The following SLC22A4 variants were observed in gnomAD, a reference collection of about 807,000 sequenced individuals.
The protein encoded by SLC22A4 is solute carrier family 22 member 4.
Under a neutral mutation model 56.6 loss-of-function variants are expected in SLC22A4, and 39 were observed. The observed-to-expected ratio is 0.69, with a 90% CI of 0.53 to 0.90. SLC22A4 has a LOEUF of 0.90. SLC22A4 is among the 40% of genes least tolerant of loss of function. The probability of loss-of-function intolerance (pLI) is 0.00; values close to 1 mark genes in which losing one functional copy is unlikely to be tolerated. For missense variants in SLC22A4, 594 were observed against 696.5 expected, an observed-to-expected ratio of 0.85 and a Z score of 1.66; for synonymous variants, 241 against 281.4, an observed-to-expected ratio of 0.86 and a Z score of 1.44.
rs754945336 is a variant in SLC22A4, at chr5:132,343,802, A to G, written c.1623A>G (p.Glu541=). 1 of 1,609,512 alleles carries G rather than the reference A, an allele frequency of 6.2e-7. No homozygotes were observed. Among genetic ancestry groups the G allele is most frequent in the Admixed American group, 1.7e-5 (1 of 59,968 alleles). ...GKKTRDSMET[E]ENPKVLITAF ...AAACAAGAGACTCAATGGAGACAGA[A>G]GAAAATCCCAAGGTTCTAATAACTG... is the stretch of plus-strand genomic sequence containing the variant. The change falls in exon 10 of 10, where the codon GAA becomes GAG. Residue 541 remains glutamate, a synonymous_variant. Coordinates refer to ENST00000200652, the MANE Select transcript of SLC22A4 (RefSeq NM_003059.3).
At chr5:132,311,790 C>G (rs1424480891) in intron 1 of SLC22A4, 4 of 345,512 alleles carry the variant, frequency 1.2e-5, no homozygotes, top group African/African-American at 6.3e-5. Context: ...CCGCACTAGG[C>G]TGGCTTCTGA....
intron 2 of SLC22A4, among the ~76,000 whole-genome samples, chr5:132,313,024 A>G (rs1372620826): frequency 6.6e-6 from 1 of 152,256 alleles, no homozygotes; most frequent in African/African-American, 2.4e-5. Context: ...TGTCACCAAC[A>G]GACATTGCTG....
At chr5:132,338,752 T>C (rs894764728) in intron 8 of SLC22A4, among the ~76,000 whole-genome samples, 2 of 152,244 alleles carry the variant, frequency 1.3e-5, no homozygotes, top group East Asian at 3.8e-4. Flanking sequence ...GAGTTTAAGG[T>C]TATCTCTCTT....
chr5:132,319,663 G>T (rs773596687), intron 3 of SLC22A4, among the ~76,000 whole-genome samples: 11 of 152,174 alleles, frequency 7.2e-5, no homozygotes, highest in Non-Finnish European at 1.6e-4. Flanking sequence ...CATGATCTCG[G>T]CTCACTGCAA....
At chr5:132,302,028 T>C (rs997324800) in intron 1 of SLC22A4, among the ~76,000 whole-genome samples, 3 of 152,188 alleles carry the variant, frequency 2.0e-5, no homozygotes, top group African/African-American at 4.8e-5. Flanking sequence ...CTTCAGAAAG[T>C]AGATCTTGCC....
At chr5:132,299,932 C>G (rs977005163) in intron 1 of SLC22A4, among the ~76,000 whole-genome samples, 1 of 152,168 alleles carries the variant, frequency 6.6e-6, no homozygotes, top group African/African-American at 2.4e-5. Flanking sequence ...AACTGAACTA[C>G]AGACTTTGTT....
chr5:132,336,093 T>C (rs1006049281), intron 8 of SLC22A4, 93 bp downstream of exon 8: 2 of 1,329,778 alleles, frequency 1.5e-6, no homozygotes, highest in African/African-American at 2.9e-5. Context: ...TAGCATAGAA[T>C]GTACTGGAAA....
At chr5:132,341,200 A>G (rs888151334) in intron 9 of SLC22A4, among the ~76,000 whole-genome samples, 5 of 151,986 alleles carry the variant, frequency 3.3e-5, no homozygotes, top group African/African-American at 7.3e-5. Flanking sequence ...CAGGCGGATC[A>G]TGAGGTCAAG....
chr5:132,306,386 TATATATA>T (rs1255260509), intron 1 of SLC22A4, among the ~76,000 whole-genome samples: 22 of 1,830 alleles, frequency 0.012, no homozygotes, highest in African/African-American at 0.023. Flanking sequence ...AACCGTGAAA[TATATATA>T]TATATATATA....
At position 132,294,976 on chromosome 5, in the gene SLC22A4, C is replaced by T. The variant is rs1034102647; in HGVS notation, c.360C>T (p.Ser120=). 1.2e-5 allele frequency: 19 copies of T among 1,607,196 alleles called. No individual in the cohort carries two copies. The highest frequency in any genetic ancestry group is 1.2e-4 in the Admixed American group (7 of 59,292). Residue 120 remains serine, a synonymous_variant, in exon 1 of 10, where the codon AGC becomes AGT. Coordinates refer to ENST00000200652, the MANE Select transcript of SLC22A4 (RefSeq NM_003059.3). This position sits in a 1 kb window ranked among gnomAD's most constrained non-coding sequence, Gnocchi z 5.6. The part of the protein sequence containing the change: ...QESCLDGWEF[S]QDVYLSTVVT... The stretch of plus-strand genomic sequence containing the variant: ...GCTGCCTGGATGGCTGGGAGTTCAG[C>T]CAGGACGTCTACCTGTCCACCGTCG...
chr5:132,331,777 C>T lies in SLC22A4; in HGVS notation c.973C>T (p.Gln325Ter). Residue 325 changes from glutamine (Q) to a stop codon, truncating the protein, a stop_gained, in exon 6 of 10, where the codon CAG (glutamine) becomes TAG (stop). Coordinates refer to ENST00000200652, the MANE Select transcript of SLC22A4 (RefSeq NM_003059.3). LOFTEE classifies it high-confidence loss of function. Reference protein sequence around the residue: ...SVEELNPLKQQKAFILDLFRT... With the variant: ...SVEELNPLKQ ...ACAGGAGCTAAATCCCCTGAAGCAG[C>T]AGAAAGCTTTCATTCTGGACCTGTT... 3 of 1,613,302 alleles carry T rather than the reference C, an allele frequency of 1.9e-6. No homozygotes were observed. Among genetic ancestry groups the T allele is most frequent in the African/African-American group, 1.3e-5 (1 of 75,016 alleles).
intron 1 of SLC22A4, among the ~76,000 whole-genome samples, chr5:132,295,912 C>T (rs1247184723): frequency 6.6e-6 from 1 of 152,242 alleles, no homozygotes; most frequent in Non-Finnish European, 1.5e-5. Context: ...CCCTTTCCCT[C>T]AGCACGGTAT....
chr5:132,302,816 A>G (rs1411520959), intron 1 of SLC22A4, among the ~76,000 whole-genome samples: 2 of 152,076 alleles, frequency 1.3e-5, no homozygotes, highest in Non-Finnish European at 2.9e-5. Flanking sequence ...TCCCATCCCT[A>G]TCTTCCCACT....
chr5:132,341,342 C>T (rs1751213129), intron 9 of SLC22A4, among the ~76,000 whole-genome samples: 3 of 151,722 alleles, frequency 2.0e-5, no homozygotes, highest in South Asian at 2.1e-4. Context: ...TGCTTGAACC[C>T]GGGAGGTGGA....
intron 5 of SLC22A4, among the ~76,000 whole-genome samples, chr5:132,329,023 C>T (rs1226837547): frequency 2.0e-5 from 3 of 151,752 alleles, no homozygotes; most frequent in South Asian, 2.1e-4. Context: ...GCCTCGACCT[C>T]GACCTTCTGG....
chr5:132,337,205 A>G (rs1351563266), intron 8 of SLC22A4, among the ~76,000 whole-genome samples: 1 of 151,952 alleles, frequency 6.6e-6, no homozygotes, highest in African/African-American at 2.4e-5. Flanking sequence ...TATTGTGCCA[A>G]TTATAATCTA....
chr5:132,294,840 G>C lies in SLC22A4; in HGVS notation c.224G>C (p.Arg75Pro), dbSNP rs1451312598. The C allele has an allele frequency of 1.9e-5, 31 of 1,609,470 alleles. No homozygotes were observed. Among genetic ancestry groups the C allele is most frequent in the Non-Finnish European group, 2.5e-5 (29 of 1,178,516 alleles). Reference protein sequence around the residue: ...NSVPLRLRDGREVPHSCSRYR... With the variant: ...NSVPLRLRDGPEVPHSCSRYR... ...GTCCCGCTGCGGCTGCGGGACGGCC[G>C]CGAGGTGCCCCACAGCTGCAGCCGC... Residue 75 changes from arginine (R) to proline (P), a missense_variant, in exon 1 of 10, where the codon CGC becomes CCC. Coordinates refer to ENST00000200652, the MANE Select transcript of SLC22A4 (RefSeq NM_003059.3). This position sits in a 1 kb window ranked among gnomAD's most constrained non-coding sequence, Gnocchi z 5.6.
At chr5:132,296,311 G>C (rs114149760) in intron 1 of SLC22A4, among the ~76,000 whole-genome samples, 318 of 152,336 alleles carry the variant, frequency 2.1e-3, no homozygotes, top group African/African-American at 7.4e-3. Flanking sequence ...GACTAGAAAT[G>C]GCCACAAGGG....
intron 2 of SLC22A4, among the ~76,000 whole-genome samples, chr5:132,313,412 A>G (rs918165325): frequency 6.6e-6 from 1 of 152,230 alleles, no homozygotes; most frequent in Non-Finnish European, 1.5e-5. Context: ...CTCCACAGGA[A>G]GCTGAGAATC....
Sources: gnomAD v4.1 joint callset for allele counts (sites outside exome capture counted in the v4.1 genomes callset) on GRCh38, gnomAD v4.1.1 for gene constraint, Gnocchi (gnomAD v3.1) non-coding constraint, MANE v1.5 for transcripts, NCBI Gene and HGNC (gene_info 2026-07-23, HGNC 2026-07-21) for gene names.